ARHGEF7: variants seen among roughly 807,000 people sequenced by gnomAD.
The protein encoded by ARHGEF7 is PAK-interacting exchange factor beta.
ARHGEF7 carries 33 observed loss-of-function variants against 109.8 expected under a neutral mutation model. That is an observed-to-expected ratio of 0.30 (90% CI 0.23 to 0.40). The LOEUF is 0.40. Among genes scored for constraint, ARHGEF7 ranks in the 10% least tolerant of loss-of-function variants. The pLI, the probability that ARHGEF7 is intolerant of heterozygous loss-of-function variation, is 1.00. For missense variants in ARHGEF7, 938 were observed against 1,098.5 expected (o/e 0.85, Z 2.07); for synonymous variants, 458 against 424.6 (o/e 1.08, Z -0.97).
chr13:111,291,101 A>T (rs1324737898), intron 18 of ARHGEF7, among the ~76,000 whole-genome samples: 1 of 152,224 alleles, frequency 6.6e-6, no homozygotes, highest in Non-Finnish European at 1.5e-5. Context: ...TAGTTCTCGC[A>T]GTCTGAGAAC....
intron 5 of ARHGEF7, among the ~76,000 whole-genome samples, chr13:111,220,088 G>A (rs1041523029): frequency 6.6e-6 from 1 of 152,194 alleles, no homozygotes; most frequent in Non-Finnish European, 1.5e-5. Flanking sequence ...GGGCAGGCCC[G>A]GTCCATCCTG....
At position 111,303,208 on chromosome 13, in the gene ARHGEF7, G is replaced by A; in HGVS notation, c.*95G>A. 9.9e-7 allele frequency: 1 copy of A among 1,009,202 alleles called. No homozygotes were observed. The highest frequency in any genetic ancestry group is 1.4e-6 in the Non-Finnish European group (1 of 718,094). 62.5% of individuals were successfully genotyped at this position (1,009,202 alleles called of 1,614,324 possible). On this transcript the variant is annotated 3_prime_UTR_variant, in exon 22 of 22. Coordinates refer to ENST00000646102, the MANE Select transcript of ARHGEF7 (RefSeq NM_001354046.2). ...GGGTGCACTCAGGACCACAGGGCAG[G>A]GCTGGGTGGGGCGCCACCTTGCTCT...
rs12860234 is a variant in ARHGEF7 at position 111,227,215 on chromosome 13, T to C, written c.671-5990T>C. Among the ~76,000 whole-genome samples the C allele has an allele frequency of 5.3e-5, 8 of 152,264 alleles. 1 individual carries two copies. The highest frequency in any genetic ancestry group is 1.0e-4 in the Non-Finnish European group (7 of 68,042). On this transcript the variant is annotated intron_variant, in intron 5 of 21. Coordinates refer to ENST00000646102, the MANE Select transcript of ARHGEF7 (RefSeq NM_001354046.2). ...TAGACTGTTGCAAAAAGTTAGTTGATAAAGTGGTAGCAGGGTTTGAGAAGA... is the reference window on the plus strand; with the variant it reads ...TAGACTGTTGCAAAAAGTTAGTTGACAAAGTGGTAGCAGGGTTTGAGAAGA...
intron 2 of ARHGEF7, among the ~76,000 whole-genome samples, chr13:111,171,164 G>A (rs2077565985): frequency 6.6e-6 from 1 of 152,158 alleles, no homozygotes; most frequent in African/African-American, 2.4e-5. Context: ...CTTTTGTTCA[G>A]GGCTCTGTAT....
intron 2 of ARHGEF7, among the ~76,000 whole-genome samples, chr13:111,184,076 T>C (rs1462889831): frequency 1.3e-5 from 2 of 152,156 alleles, no homozygotes; most frequent in Non-Finnish European, 2.9e-5. Flanking sequence ...CAGGTGGAGA[T>C]AATTGAATCA....
At chr13:111,195,828 T>C (rs1433385035) in intron 2 of ARHGEF7, among the ~76,000 whole-genome samples, 1 of 152,238 alleles carries the variant, frequency 6.6e-6, no homozygotes, top group Non-Finnish European at 1.5e-5. Context: ...TTCTGTCTTC[T>C]CTGAACCACC....
Position 111,126,063 on chromosome 13 carries a change from G to A in ARHGEF7, c.165+10372G>A, listed in dbSNP as rs184028558. ...TTGGGGCTTCCTCTGTGGTGCTTAG[G>A]AAAGTGCCTTAAGACCTGGGTTTGT... On this transcript the variant is annotated intron_variant, in intron 1 of 21. Coordinates refer to ENST00000646102, the MANE Select transcript of ARHGEF7 (RefSeq NM_001354046.2). 4.1e-3 allele frequency among the ~76,000 whole-genome samples: 632 copies of A among 152,344 alleles called. 4 individuals are homozygous for A. Among genetic ancestry groups the A allele is most frequent in the Middle Eastern group, 0.02 (6 of 294 alleles).
At chr13:111,210,986 T>C (rs1240382089) in intron 4 of ARHGEF7, among the ~76,000 whole-genome samples, 1 of 152,102 alleles carries the variant, frequency 6.6e-6, no homozygotes, top group East Asian at 1.9e-4. Context: ...TTATGAAGCA[T>C]GTGTGAAAAA....
intron 5 of ARHGEF7, among the ~76,000 whole-genome samples, chr13:111,221,552 T>G (rs200167206): frequency 2.3e-4 from 12 of 52,042 alleles, no homozygotes; most frequent in East Asian, 1.2e-3. Flanking sequence ...GATACATATC[T>G]ATATATCTAT....
At chr13:111,231,714 G>A (rs143948930) in intron 5 of ARHGEF7, among the ~76,000 whole-genome samples, 1 of 152,296 alleles carries the variant, frequency 6.6e-6, no homozygotes, top group African/African-American at 2.4e-5. Flanking sequence ...TGAGATTGTG[G>A]ATGGGGGACG....
chr13:111,298,739 G>A (rs1441037375), intron 19 of ARHGEF7, among the ~76,000 whole-genome samples: 1 of 152,238 alleles, frequency 6.6e-6, no homozygotes, highest in Non-Finnish European at 1.5e-5. Context: ...GGACGCATGT[G>A]AGGAGCTGGG....
intron 2 of ARHGEF7, among the ~76,000 whole-genome samples, chr13:111,199,791 G>T (rs2080996599): frequency 6.6e-6 from 1 of 152,198 alleles, no homozygotes; most frequent in African/African-American, 2.4e-5. Flanking sequence ...CTTCTGTGGG[G>T]TTAGGAGTTG....
chr13:111,297,405 T>C (rs2093451233), intron 19 of ARHGEF7, among the ~76,000 whole-genome samples: 1 of 152,204 alleles, frequency 6.6e-6, no homozygotes, highest in Admixed American at 6.5e-5. Context: ...CCTAAATCCT[T>C]CTCGCATGCT....
chr13:111,176,898 A>G (rs1257454274), intron 2 of ARHGEF7, among the ~76,000 whole-genome samples: 1 of 152,192 alleles, frequency 6.6e-6, no homozygotes, highest in Non-Finnish European at 1.5e-5. Flanking sequence ...CTGGGACTAC[A>G]GGCGTGTACC....
chr13:111,126,219 G>A (rs977575288), intron 1 of ARHGEF7, among the ~76,000 whole-genome samples: 60 of 152,274 alleles, frequency 3.9e-4, no homozygotes, highest in Middle Eastern at 3.4e-3. Context: ...GGCTGGGCGC[G>A]GTGGCTCACG....
At chr13:111,298,694 C>T (rs1013317689) in intron 19 of ARHGEF7, among the ~76,000 whole-genome samples, 1 of 152,234 alleles carries the variant, frequency 6.6e-6, no homozygotes, top group Non-Finnish European at 1.5e-5. Context: ...AGACATAGGT[C>T]ACCGTGTGTG....
In ARHGEF7 at chr13:111,123,864, C is replaced by CG. The variant is rs1491100047; in HGVS notation, c.165+8173_165+8174insG. Among the ~76,000 whole-genome samples, 55 of 32,810 alleles carry CG rather than the reference C, an allele frequency of 1.7e-3. 3 individuals carry two copies. The East Asian group carries it at 0.022, about 13-fold the overall frequency. 21.5% of individuals were successfully genotyped at this position (32,810 alleles called of 152,430 possible). On this transcript the variant is annotated intron_variant, in intron 1 of 21. Transcript: ENST00000646102. ...GCCATCGTTGGCTGGTGGGCTGCGC[C>CG]CCCCCCCCCCGGCCCCGCCCCCTGC... is the stretch of plus-strand genomic sequence containing the variant.
chr13:111,199,186 G>A (rs565849467), intron 2 of ARHGEF7, among the ~76,000 whole-genome samples: 1 of 152,190 alleles, frequency 6.6e-6, no homozygotes, highest in Non-Finnish European at 1.5e-5. Flanking sequence ...GCATCACTGG[G>A]CTGGATGTAG....
At chr13:111,250,847 T>C (rs778156300) in intron 8 of ARHGEF7, among the ~76,000 whole-genome samples, 1 of 152,174 alleles carries the variant, frequency 6.6e-6, no homozygotes, top group Non-Finnish European at 1.5e-5. Flanking sequence ...CAGAATGAGA[T>C]GGATAGAAGA....
Sources: allele counts gnomAD v4.1 joint callset (sites outside exome capture counted in the v4.1 genomes callset), GRCh38; gene constraint gnomAD v4.1.1; transcripts MANE v1.5; gene names NCBI Gene and HGNC (gene_info 2026-07-23, HGNC 2026-07-21).